The following RPS6KA1 variants were observed in gnomAD, a reference collection of about 807,000 sequenced individuals.
RPS6KA1 encodes ribosomal protein S6 kinase alpha-1.
RPS6KA1 carries 48 observed loss-of-function variants against 91.3 expected under a neutral mutation model. The ratio of observed to expected loss-of-function variants is 0.53; its 90% CI spans 0.42 to 0.67. The LOEUF is 0.67. RPS6KA1 is among the 30% of genes least tolerant of loss of function. The pLI is 0.00. For synonymous variants in RPS6KA1, 359 were observed against 384.7 expected (o/e 0.93, Z 0.78); for missense variants, 719 against 960.5 (o/e 0.75, Z 3.32).
Position 26,561,940 on chromosome 1 carries a change from C to T in RPS6KA1, c.1590+277C>T, listed in dbSNP as rs1262651660. Among the ~76,000 whole-genome samples, 1 of 152,144 alleles carries T rather than the reference C, an allele frequency of 6.6e-6. No individual in the cohort carries two copies. Among genetic ancestry groups the T allele is most frequent in the Non-Finnish European group, 1.5e-5 (1 of 68,016 alleles). On this transcript the variant is annotated intron_variant, in intron 17 of 21. Transcript: ENST00000374168. This position sits in a 1 kb window ranked among gnomAD's most constrained non-coding sequence, Gnocchi z 5.7. The stretch of plus-strand genomic sequence containing the variant: ...TTTCCAGACCAGGCATGGTAGCTCA[C>T]GCCTGTAATCCCAGCAACTTGGGAG...
In RPS6KA1 at chr1:26,574,328, C is replaced by A; in HGVS notation, c.*127C>A. ...CCCGAGGGGCCGGGGAAGCTGCCAG[C>A]CCAGAACACCCCTAATGAGGGTGTG... On this transcript the variant is annotated 3_prime_UTR_variant, in exon 22 of 22. Coordinates refer to ENST00000374168, the MANE Select transcript of RPS6KA1 (RefSeq NM_002953.4). This position sits in a 1 kb window ranked among gnomAD's most constrained non-coding sequence, Gnocchi z 4.3. 1 of 1,108,370 alleles carries A rather than the reference C, an allele frequency of 9.0e-7. No homozygotes were observed. Among genetic ancestry groups the A allele is most frequent in the Non-Finnish European group, 1.4e-6 (1 of 721,484 alleles). The allele number at this position is 1,108,370 out of a possible 1,614,324, so 68.7% of individuals were successfully genotyped here. A position where few individuals can be genotyped will look rare whatever the true frequency, so the allele number is the denominator to read the frequency against.
chr1:26,574,516 G>A lies in RPS6KA1; in HGVS notation c.*315G>A, dbSNP rs41303623. On this transcript the variant is annotated 3_prime_UTR_variant, in exon 22 of 22. Transcript: ENST00000374168. The surrounding 1 kb of genome is among the most constrained non-coding windows in gnomAD (Gnocchi z 4.3). The stretch of plus-strand genomic sequence containing the variant: ...TTCTGGGAGCAGAAACAGCCATTGC[G>A]GCCCCAGGAGGGGAACTGAGTCACG... The A allele has an allele frequency of 0.011, 5,418 of 503,334 alleles. 49 individuals carry two copies. Among genetic ancestry groups the A allele is most frequent in the Non-Finnish European group, 0.015 (3,691 of 250,470 alleles). The allele number at this position is 503,334 out of a possible 1,614,324, so 31.2% of individuals were successfully genotyped here.
chr1:26,536,524 C>T (rs1360428698), intron 1 of RPS6KA1, among the ~76,000 whole-genome samples: 1 of 152,202 alleles, frequency 6.6e-6, no homozygotes, highest in East Asian at 1.9e-4. Context: ...CCCCATGTTA[C>T]AGATGGGGAA....
At position 26,546,811 on chromosome 1, in the gene RPS6KA1, G is replaced by C. The variant is rs1028271589; in HGVS notation, c.109-56G>C. 8 of 1,386,988 alleles carry C rather than the reference G, an allele frequency of 5.8e-6. No homozygotes were observed. The African/African-American group carries it at 1.1e-4, about 20-fold the overall frequency. 85.9% of individuals were successfully genotyped at this position (1,386,988 alleles called of 1,614,324 possible). A position where few individuals can be genotyped will look rare whatever the true frequency, so the allele number is the denominator to read the frequency against. On this transcript the variant is annotated intron_variant, in intron 2 of 21. Transcript: ENST00000374168. ...GGTGGGAATGGACTTGGGCAGGGGA[G>C]CCTCCTGCTGCCTGGATGGGGCCCA...
In RPS6KA1 at chr1:26,574,608, A is replaced by G; in HGVS notation, c.*407A>G. On this transcript the variant is annotated 3_prime_UTR_variant, in exon 22 of 22. Coordinates refer to ENST00000374168, the MANE Select transcript of RPS6KA1 (RefSeq NM_002953.4). This position sits in a 1 kb window ranked among gnomAD's most constrained non-coding sequence, Gnocchi z 4.3. ...ACCCTGGGGACCCCCACGATTGGCC[A>G]CCTGTAGCCATCTGCACACACCTCC... 2.6e-6 allele frequency: 1 copy of G among 386,276 alleles called. No individual in the cohort carries two copies. Among genetic ancestry groups the G allele is most frequent in the Non-Finnish European group, 5.1e-6 (1 of 196,354 alleles). 23.9% of individuals were successfully genotyped at this position (386,276 alleles called of 1,614,324 possible).
Position 26,574,316 on chromosome 1 carries a change from G to A in RPS6KA1, c.*115G>A. ...AGGGAGCTGGAACCCGAGGGGCCGG[G>A]GAAGCTGCCAGCCCAGAACACCCCT... is the stretch of plus-strand genomic sequence containing the variant. On this transcript the variant is annotated 3_prime_UTR_variant, in exon 22 of 22. Coordinates refer to ENST00000374168, the MANE Select transcript of RPS6KA1 (RefSeq NM_002953.4). The surrounding 1 kb of genome is among the most constrained non-coding windows in gnomAD (Gnocchi z 4.3). The A allele has an allele frequency of 7.5e-7, 1 of 1,332,864 alleles. No homozygotes were observed. Among genetic ancestry groups the A allele is most frequent in the Admixed American group, 1.7e-5 (1 of 58,832 alleles). The allele number at this position is 1,332,864 out of a possible 1,614,324, so 82.6% of individuals were successfully genotyped here.
At chr1:26,536,152 T>TAAAAAAA (rs35238041) in intron 1 of RPS6KA1, among the ~76,000 whole-genome samples, 1 of 74,418 alleles carries the variant, frequency 1.3e-5, no homozygotes, top group Non-Finnish European at 2.6e-5. Context: ...AAACTCTGTC[T>TAAAAAAA]AAAAAAAAAA....
In RPS6KA1 at chr1:26,560,965, A is replaced by C. The variant is rs557380195; in HGVS notation, c.1342-80A>C. ...GATGTATGAAAGGTGTGTGGCCGAG[A>C]CCTCCTGGCCTGCTCCATGGCCAGA... On this transcript the variant is annotated intron_variant, in intron 15 of 21. Coordinates refer to ENST00000374168, the MANE Select transcript of RPS6KA1 (RefSeq NM_002953.4). 1.8e-5 allele frequency: 28 copies of C among 1,598,016 alleles called. No individual in the cohort carries two copies. In the Admixed American group the frequency reaches 4.0e-4, roughly 23 times the overall value.
At chr1:26,536,792 C>T in intron 1 of RPS6KA1, 133 bp from the exon 2 acceptor site, 1 of 960,700 alleles carries the variant, frequency 1.0e-6, no homozygotes, top group Non-Finnish European at 1.7e-6. Flanking sequence ...AGGGACCCAC[C>T]CAGGACTCCT....
chr1:26,562,691 A>G (rs892325286), intron 17 of RPS6KA1, among the ~76,000 whole-genome samples: 1 of 152,102 alleles, frequency 6.6e-6, no homozygotes, highest in African/African-American at 2.4e-5. Flanking sequence ...TTTAGGGTGC[A>G]TCTGATCAGA....
At chr1:26,556,169 T>G in intron 11 of RPS6KA1, 1 of 203,130 alleles carries the variant, frequency 4.9e-6, no homozygotes, top group South Asian at 8.9e-5. Context: ...ATGTAGTAGG[T>G]GTCCAGTGTG....
intron 2 of RPS6KA1, chr1:26,546,144 G>C (rs2075993109): frequency 3.1e-6 from 4 of 1,307,164 alleles, no homozygotes; most frequent in Non-Finnish European, 4.2e-6. Context: ...CCCAGGCCTG[G>C]CCCTGCAGGG....
At position 26,560,743 on chromosome 1, in the gene RPS6KA1, C is replaced by G; in HGVS notation, c.1233C>G (p.Asn411Lys). Residue 411 changes from asparagine (N) to lysine (K), a missense_variant, in exon 15 of 22, where the codon AAC becomes AAG. By Grantham distance (94) the Asn-to-Lys change is moderately conservative. Around this residue, in one of 5 missense-constraint regions of RPS6KA1, gnomAD observed 228 missense variants for 247.6 expected, o/e 0.92. Coordinates refer to ENST00000374168, the MANE Select transcript of RPS6KA1 (RefSeq NM_002953.4). Reference sequence around the variant, plus strand: ...TCCTACAGCAACTCCATGGGAAGAACCTGGTTTTTAGTGACGGCTACGTGG... The same window carrying G: ...TCCTACAGCAACTCCATGGGAAGAAGCTGGTTTTTAGTGACGGCTACGTGG... ...HSVVQQLHGKNLVFSDGYVVK... is the reference protein window; with the variant it reads ...HSVVQQLHGKKLVFSDGYVVK... The G allele has an allele frequency of 6.2e-7, 1 of 1,614,170 alleles. No individual in the cohort carries two copies. The highest frequency in any genetic ancestry group is 8.5e-7 in the Non-Finnish European group (1 of 1,180,010).
intron 4 of RPS6KA1, among the ~76,000 whole-genome samples, chr1:26,549,690 CTTTTTT>C: frequency 9.8e-6 from 1 of 101,916 alleles, no homozygotes; most frequent in Non-Finnish European, 1.9e-5. Context: ...AAAGCCTGTT[CTTTTTT>C]TTTTTTTTTT....
chr1:26,553,327 G>A (rs1483946328), intron 6 of RPS6KA1, 64 bp from the exon 7 acceptor site: 2 of 1,158,394 alleles, frequency 1.7e-6, no homozygotes, highest in Non-Finnish European at 2.6e-6. Context: ...GCTGCTGACT[G>A]CCCAGTGCCC....
chr1:26,569,065 C>A (rs2076227739), intron 17 of RPS6KA1, among the ~76,000 whole-genome samples: 1 of 152,092 alleles, frequency 6.6e-6, no homozygotes, highest in African/African-American at 2.4e-5. Context: ...GTGGTGCACA[C>A]CTGTAATTCC....
chr1:26,573,191 C>T (rs2076264962), intron 20 of RPS6KA1, 33 bp from the exon 21 acceptor site: 2 of 1,609,680 alleles, frequency 1.2e-6, no homozygotes, highest in Non-Finnish European at 1.7e-6. Context: ...CCCTGCAGCC[C>T]TCCCCCAACC....
At chr1:26,538,851 T>TC (rs1239949004) in intron 2 of RPS6KA1, among the ~76,000 whole-genome samples, 1 of 152,196 alleles carries the variant, frequency 6.6e-6, no homozygotes, top group Non-Finnish European at 1.5e-5. Flanking sequence ...CCAGTGTCCC[T>TC]AATGCCCACT....
Position 26,558,992 on chromosome 1 carries a change from T to C in RPS6KA1, c.1215+55T>C. ...TATCCTTTTCTAAAGAATGGCTGAG[T>C]ACACAGGCTCTGAGTTGGACAGAAC... On this transcript the variant is annotated intron_variant, in intron 14 of 21. Transcript: ENST00000374168. The surrounding 1 kb of genome is among the most constrained non-coding windows in gnomAD (Gnocchi z 4.0). 6.3e-7 allele frequency: 1 copy of C among 1,577,254 alleles called. No individual in the cohort carries two copies. Among genetic ancestry groups the C allele is most frequent in the Non-Finnish European group, 8.7e-7 (1 of 1,154,162 alleles).
Sources: allele counts gnomAD v4.1 joint callset (sites outside exome capture counted in the v4.1 genomes callset), GRCh38; gene constraint gnomAD v4.1.1; regional missense constraint gnomAD v4.1.1; non-coding constraint Gnocchi (gnomAD v3.1); transcripts MANE v1.5; gene names NCBI Gene and HGNC (gene_info 2026-07-23, HGNC 2026-07-21).